NAALADL2: variants seen among roughly 807,000 people sequenced by gnomAD.
The protein encoded by NAALADL2 is N-acetylated alpha-linked acidic dipeptidase like 2.
In NAALADL2, 76 loss-of-function variants were observed where a neutral mutation model predicts 87.2. The observed-to-expected ratio is 0.87, with a 90% CI of 0.72 to 1.05. The LOEUF (loss-of-function observed/expected upper bound fraction) is 1.05, where lower values mean the gene tolerates loss of function less well. NAALADL2 is among the 50% of genes least tolerant of loss of function. The probability of loss-of-function intolerance (pLI) is 0.00; values close to 1 mark genes in which losing one functional copy is unlikely to be tolerated. For missense variants in NAALADL2, 1,089 were observed against 945.8 expected (o/e 1.15, Z -1.99); for synonymous variants, 354 against 331.0 (o/e 1.07, Z -0.75).
chr3:175,675,454 G>A (rs1250348916), intron 11 of NAALADL2: 6 of 152,166 alleles, frequency 3.9e-5, no homozygotes, highest in Non-Finnish European at 8.8e-5. Context: ...AACAACTTGA[G>A]ATTCATTGCT....
At chr3:174,761,246 T>C (rs511250) in intron 3 of NAALADL2, among the ~76,000 whole-genome samples, 48,539 of 152,078 alleles carry the variant, frequency 0.32, 7,834 homozygotes, top group Middle Eastern at 0.36. Flanking sequence ...GATTTGGCAA[T>C]TTTCATGGAA....
chr3:174,972,028 A>C (rs1411763717), intron 1 of NAALADL2, among the ~76,000 whole-genome samples: 1 of 151,976 alleles, frequency 6.6e-6, no homozygotes, highest in Non-Finnish European at 1.5e-5. Flanking sequence ...AACATACTAA[A>C]TTTGAGTGGT....
chr3:175,380,832 T>A (rs1767700394), intron 5 of NAALADL2, among the ~76,000 whole-genome samples: 1 of 152,140 alleles, frequency 6.6e-6, no homozygotes, highest in South Asian at 2.1e-4. Context: ...ACGAACTCTG[T>A]GTCTGAAAAC....
chr3:175,029,916 T>A (rs1011661084), intron 1 of NAALADL2, among the ~76,000 whole-genome samples: 14 of 152,082 alleles, frequency 9.2e-5, no homozygotes, highest in African/African-American at 3.1e-4. Flanking sequence ...ATAAAGTACT[T>A]TTTGTCAGGC....
chr3:175,583,894 G>C (rs766297127), intron 10 of NAALADL2, among the ~76,000 whole-genome samples: 9 of 152,180 alleles, frequency 5.9e-5, no homozygotes, highest in South Asian at 2.1e-4. Context: ...AGGCAAGGTA[G>C]AGCAAGGAAA....
chr3:174,767,294 A>G (rs1321686604), intron 3 of NAALADL2, among the ~76,000 whole-genome samples: 4 of 152,188 alleles, frequency 2.6e-5, no homozygotes, highest in Admixed American at 2.0e-4. Flanking sequence ...CTGTTAGGAA[A>G]CATAATCAAG....
At chr3:174,987,292 G>A (rs534986345) in intron 1 of NAALADL2, among the ~76,000 whole-genome samples, 1 of 151,894 alleles carries the variant, frequency 6.6e-6, no homozygotes, top group Non-Finnish European at 1.5e-5. Flanking sequence ...ATACTCGGCC[G>A]GGCGCGGTGG....
chr3:174,712,364 T>A (rs1217205795), intron 2 of NAALADL2, among the ~76,000 whole-genome samples: 1 of 149,602 alleles, frequency 6.7e-6, no homozygotes, highest in African/African-American at 2.5e-5. Context: ...CTATTAACAG[T>A]CTCACTTCTC....
At chr3:175,550,582 G>T (rs953333049) in intron 9 of NAALADL2, among the ~76,000 whole-genome samples, 7 of 152,180 alleles carry the variant, frequency 4.6e-5, no homozygotes, top group Non-Finnish European at 1.0e-4. Flanking sequence ...CTTCTTACAG[G>T]AAAGCGGTGA....
chr3:174,701,650 T>C (rs1213254253), intron 2 of NAALADL2, among the ~76,000 whole-genome samples: 4 of 147,052 alleles, frequency 2.7e-5, no homozygotes, highest in African/African-American at 1.0e-4. Context: ...CTGCTAACTT[T>C]TACTATTGAT....
At chr3:175,683,443 A>G (rs1735871747) in intron 11 of NAALADL2, among the ~76,000 whole-genome samples, 1 of 152,040 alleles carries the variant, frequency 6.6e-6, no homozygotes, top group African/African-American at 2.4e-5. Context: ...ACTAATTTCT[A>G]TTCAGATTCT....
At chr3:174,662,045 GAGAT>G (rs968268865) in intron 2 of NAALADL2, among the ~76,000 whole-genome samples, 4 of 152,150 alleles carry the variant, frequency 2.6e-5, no homozygotes, top group African/African-American at 9.7e-5. Flanking sequence ...CTCATCCTCA[GAGAT>G]AGCCTCAGTT....
chr3:175,233,281 C>G (rs1317997396), intron 2 of NAALADL2, among the ~76,000 whole-genome samples: 1 of 152,112 alleles, frequency 6.6e-6, no homozygotes, highest in Non-Finnish European at 1.5e-5. Flanking sequence ...AGAAATGTCT[C>G]AACTGGAATG....
intron 1 of NAALADL2, among the ~76,000 whole-genome samples, chr3:174,882,796 CACGTGTGTATATGTGCATATGTGTAT>C (rs1729542128): frequency 1.9e-5 from 2 of 104,572 alleles, no homozygotes; most frequent in South Asian, 3.0e-4. Flanking sequence ...TGTATATATA[CACGTGTGTATATGTGCATATGTGTAT>C]ATATACACGT....
chr3:174,809,543 G>A (rs1719917099), intron 3 of NAALADL2, among the ~76,000 whole-genome samples: 1 of 152,032 alleles, frequency 6.6e-6, no homozygotes, highest in Non-Finnish European at 1.5e-5. Flanking sequence ...GAATTTGGGG[G>A]CAAGCCTTTC....
intron 2 of NAALADL2, among the ~76,000 whole-genome samples, chr3:174,597,550 C>T (rs545120109): frequency 6.6e-6 from 1 of 152,262 alleles, no homozygotes; most frequent in South Asian, 2.1e-4. Context: ...ATTTTCTGTA[C>T]CTTCTAGTGA....
chr3:175,785,801 G>C (rs1453330336), intron 13 of NAALADL2, among the ~76,000 whole-genome samples: 2 of 150,828 alleles, frequency 1.3e-5, no homozygotes, highest in African/African-American at 5.0e-5. Flanking sequence ...TCCTAGTCTT[G>C]ATGGTCTTTA....
intron 2 of NAALADL2, among the ~76,000 whole-genome samples, chr3:175,183,488 T>A (rs1363281927): frequency 1.3e-5 from 2 of 152,078 alleles, no homozygotes; most frequent in African/African-American, 4.8e-5. Flanking sequence ...TATATGGCCT[T>A]TATTGTGTTA....
chr3:175,477,806 T>C (rs1725918491), intron 9 of NAALADL2, among the ~76,000 whole-genome samples: 1 of 152,084 alleles, frequency 6.6e-6, no homozygotes, highest in African/African-American at 2.4e-5. Context: ...GTTTTTGTTG[T>C]TGTTGCTTCA....
Sources: allele counts gnomAD v4.1 joint callset (sites outside exome capture counted in the v4.1 genomes callset), GRCh38; gene constraint gnomAD v4.1.1; transcripts MANE v1.5; gene names NCBI Gene and HGNC (gene_info 2026-07-23, HGNC 2026-07-21).